The following CNBD1 variants were observed in gnomAD, a reference collection of about 807,000 sequenced individuals.
CNBD1 encodes cyclic nucleotide-binding domain-containing protein 1.
CNBD1 carries 71 observed loss-of-function variants against 54.4 expected under a neutral mutation model. The ratio of observed to expected loss-of-function variants is 1.30; its 90% CI spans 1.08 to 1.59. The LOEUF is 1.59. Ranked by LOEUF, CNBD1 falls within the 40% of genes most tolerant of loss-of-function variation. The probability of loss-of-function intolerance (pLI) is 0.00; values close to 1 mark genes in which losing one functional copy is unlikely to be tolerated. For synonymous variants in CNBD1, 182 were observed against 170.7 expected (o/e 1.07, Z -0.51); for missense variants, 659 against 518.0 (o/e 1.27, Z -2.64).
intron 6 of CNBD1, among the ~76,000 whole-genome samples, chr8:87,279,411 C>T (rs1029189881): frequency 6.6e-6 from 1 of 151,164 alleles, no homozygotes; most frequent in African/African-American, 2.4e-5. Flanking sequence ...AGCAAATATA[C>T]ATTAAACGTA....
intron 4 of CNBD1, chr8:86,939,955 C>G: frequency 2.7e-6 from 1 of 370,124 alleles, no homozygotes. Flanking sequence ...TGGTGTATCA[C>G]GGATATAATG....
At chr8:87,108,988 A>C (rs1039502638) in intron 4 of CNBD1, among the ~76,000 whole-genome samples, 1 of 152,216 alleles carries the variant, frequency 6.6e-6, no homozygotes, top group Non-Finnish European at 1.5e-5. Context: ...ATGTTATTCT[A>C]ATTTGCCCTT....
chr8:87,404,282 T>C (rs968641817), intron 2 of CNBD1, among the ~76,000 whole-genome samples: 1 of 152,052 alleles, frequency 6.6e-6, no homozygotes, highest in African/African-American at 2.4e-5. Context: ...TTTTGTGATA[T>C]CTAACAAACT....
At chr8:86,938,584 C>T (rs1357569318) in intron 3 of CNBD1, among the ~76,000 whole-genome samples, 5 of 152,126 alleles carry the variant, frequency 3.3e-5, no homozygotes, top group African/African-American at 4.8e-5. Flanking sequence ...CTTGTGTAGG[C>T]GAACTCTCCT....
At chr8:87,026,467 TAAAA>T (rs1563439851) in intron 4 of CNBD1, among the ~76,000 whole-genome samples, 1 of 152,034 alleles carries the variant, frequency 6.6e-6, no homozygotes, top group South Asian at 2.1e-4. Context: ...TTTCTATTCT[TAAAA>T]AAAGTAGGTA....
At chr8:87,000,086 T>C (rs958880659) in intron 4 of CNBD1, among the ~76,000 whole-genome samples, 6 of 152,222 alleles carry the variant, frequency 3.9e-5, no homozygotes, top group Non-Finnish European at 8.8e-5. Context: ...GGCATTGATA[T>C]GGTTCGGCTC....
intron 8 of CNBD1, among the ~76,000 whole-genome samples, chr8:87,331,253 C>T (rs940740887): frequency 2.0e-5 from 3 of 152,024 alleles, no homozygotes; most frequent in South Asian, 4.1e-4. Flanking sequence ...TGTTGTTCCC[C>T]GATGTGTGTC....
At chr8:87,379,780 T>C (rs1473086784) in intron 10 of CNBD1, among the ~76,000 whole-genome samples, 1 of 151,806 alleles carries the variant, frequency 6.6e-6, no homozygotes, top group Non-Finnish European at 1.5e-5. Context: ...ATATAAAAAA[T>C]GAAATAATTT....
At chr8:86,869,234 C>T (rs192162552) in intron 1 of CNBD1, among the ~76,000 whole-genome samples, 228 of 152,192 alleles carry the variant, frequency 1.5e-3, no homozygotes, top group African/African-American at 5.2e-3. Flanking sequence ...AAAATTAATA[C>T]GTGTTCCAGT....
chr8:87,352,478 CAAA>C (rs386413278), intron 9 of CNBD1, among the ~76,000 whole-genome samples: 1 of 107,490 alleles, frequency 9.3e-6, no homozygotes, highest in African/African-American at 3.8e-5. Flanking sequence ...GACTCTGTCT[CAAA>C]AAAAAAAAAA....
intron 4 of CNBD1, among the ~76,000 whole-genome samples, chr8:87,111,784 C>T (rs1563472956): frequency 6.6e-6 from 1 of 151,948 alleles, no homozygotes; most frequent in Non-Finnish European, 1.5e-5. Flanking sequence ...GTTAGGACAC[C>T]CCCCTCCCGC....
At chr8:87,127,109 G>A (rs534528535) in intron 4 of CNBD1, among the ~76,000 whole-genome samples, 4 of 151,920 alleles carry the variant, frequency 2.6e-5, no homozygotes, top group African/African-American at 9.6e-5. Flanking sequence ...CTCCAAAATT[G>A]CTCTTATTTT....
intron 10 of CNBD1, among the ~76,000 whole-genome samples, chr8:87,375,008 A>G (rs144579831): frequency 6.6e-6 from 1 of 150,560 alleles, no homozygotes; most frequent in East Asian, 1.9e-4. Flanking sequence ...AGAACATAAA[A>G]TAAATATGCT....
chr8:87,219,489 T>C (rs1200130442), intron 5 of CNBD1, among the ~76,000 whole-genome samples: 1 of 151,910 alleles, frequency 6.6e-6, no homozygotes, highest in South Asian at 2.1e-4. Context: ...AATCAATGAA[T>C]ACATCCTAAT....
chr8:87,242,086 G>T (rs1053989188), intron 6 of CNBD1, among the ~76,000 whole-genome samples: 13 of 152,166 alleles, frequency 8.5e-5, no homozygotes, highest in Non-Finnish European at 1.9e-4. Flanking sequence ...CAACTGACCA[G>T]CATTAATGTT....
intron 2 of CNBD1, among the ~76,000 whole-genome samples, chr8:87,424,744 GC>G (rs1808014553): frequency 6.6e-6 from 1 of 152,136 alleles, no homozygotes; most frequent in Non-Finnish European, 1.5e-5. Context: ...CTCTCTGGCT[GC>G]CCTTAACCTT....
intron 4 of CNBD1, among the ~76,000 whole-genome samples, chr8:87,172,332 A>G (rs1813105810): frequency 6.6e-6 from 1 of 152,210 alleles, no homozygotes; most frequent in South Asian, 2.1e-4. Flanking sequence ...GAGGTAAAGA[A>G]TGTTTATTCT....
At chr8:86,891,443 G>C (rs904175321) in intron 2 of CNBD1, among the ~76,000 whole-genome samples, 5 of 151,956 alleles carry the variant, frequency 3.3e-5, no homozygotes, top group Admixed American at 6.6e-5. Context: ...CCATTGATCA[G>C]TATGTCTGTT....
At chr8:86,889,769 T>G (rs1000454080) in intron 2 of CNBD1, among the ~76,000 whole-genome samples, 1 of 152,132 alleles carries the variant, frequency 6.6e-6, no homozygotes, top group Non-Finnish European at 1.5e-5. Flanking sequence ...TTTTATTTAT[T>G]TTAGTGCTTC....
Sources: allele counts gnomAD v4.1 joint callset (sites outside exome capture counted in the v4.1 genomes callset), GRCh38; gene constraint gnomAD v4.1.1; transcripts MANE v1.5; gene names NCBI Gene and HGNC (gene_info 2026-07-23, HGNC 2026-07-21).